Variants in CLVS2 observed in about 807,000 individuals in gnomAD.
CLVS2 encodes the protein clavesin 2, also known as clavesin-2.
In CLVS2, 19 loss-of-function variants were observed where a neutral mutation model predicts 29.0. The observed-to-expected ratio is 0.66, with a 90% CI of 0.46 to 0.96. The LOEUF (loss-of-function observed/expected upper bound fraction) is 0.96. CLVS2 is among the 40% of genes least tolerant of loss of function. The pLI is 0.00. For synonymous variants in CLVS2, 161 were observed against 151.3 expected (o/e 1.06, Z -0.47); for missense variants, 294 against 404.1 (o/e 0.73, Z 2.34).
intron 5 of CLVS2, among the ~76,000 whole-genome samples, chr6:123,059,679 G>T (rs1399036682): frequency 1.3e-5 from 2 of 152,158 alleles, no homozygotes; most frequent in African/African-American, 4.8e-5. Flanking sequence ...TGACTGGTAT[G>T]GGGGTTCCTA....
chr6:123,002,700 C>CA (rs1479799418), intron 2 of CLVS2, among the ~76,000 whole-genome samples: 1 of 151,810 alleles, frequency 6.6e-6, no homozygotes, highest in South Asian at 2.1e-4. Flanking sequence ...ACAAAAAAAG[C>CA]AAAAAAATAA....
chr6:123,039,828 G>A (rs1238963523), intron 3 of CLVS2, among the ~76,000 whole-genome samples: 2 of 152,158 alleles, frequency 1.3e-5, no homozygotes, highest in Non-Finnish European at 2.9e-5. Context: ...GAAATAGGTA[G>A]CTAGGTAAAA....
chr6:123,004,640 C>T (rs543863396), intron 2 of CLVS2, among the ~76,000 whole-genome samples: 4 of 152,252 alleles, frequency 2.6e-5, no homozygotes, highest in East Asian at 1.9e-4. Context: ...AGGCCAGGCA[C>T]GGTGGCTCAC....
At position 123,048,615 on chromosome 6, in the gene CLVS2, A is replaced by G; in HGVS notation, c.565-7A>G. ...TTTTGATTGTTTTTTTCTCCATGTT[A>G]CTCTAGGATAGTTTCCCAGCGCGAT... On this transcript the variant is annotated splice_region_variant and splice_polypyrimidine_tract_variant and intron_variant, in intron 3 of 5. Transcript: ENST00000275162. The G allele has an allele frequency of 1.9e-6, 3 of 1,589,894 alleles. No homozygotes were observed. Among genetic ancestry groups the G allele is most frequent in the Admixed American group, 1.7e-5 (1 of 59,804 alleles).
chr6:123,014,352 A>G (rs909519819), intron 3 of CLVS2, among the ~76,000 whole-genome samples: 2 of 151,956 alleles, frequency 1.3e-5, no homozygotes, highest in African/African-American at 4.8e-5. Context: ...TTTCTTAAGC[A>G]AGAGTATTTA....
At position 123,065,110 on chromosome 6, in the gene CLVS2, C is replaced by A. The variant is rs1437839766; in HGVS notation, c.*1349C>A. On this transcript the variant is annotated 3_prime_UTR_variant, in exon 6 of 6. Coordinates refer to ENST00000275162, the MANE Select transcript of CLVS2 (RefSeq NM_001010852.4). The stretch of plus-strand genomic sequence containing the variant: ...ATATAATGAAATTATTGGAAGGCAT[C>A]TATGACAACATGTAATCATTTATAC... The A allele has an allele frequency of 6.6e-6, 1 of 151,762 alleles. No individual in the cohort carries two copies. The highest frequency in any genetic ancestry group is 1.5e-5 in the Non-Finnish European group (1 of 67,810). The allele number at this position is 151,762 out of a possible 1,614,324, so 9.4% of individuals were successfully genotyped here.
intron 2 of CLVS2, among the ~76,000 whole-genome samples, chr6:123,002,043 G>C (rs2114296244): frequency 6.6e-6 from 1 of 152,234 alleles, no homozygotes; most frequent in Non-Finnish European, 1.5e-5. Flanking sequence ...CCATTTATCT[G>C]GAATATGGTT....
At chr6:123,001,420 C>T (rs1774588003) in intron 2 of CLVS2, among the ~76,000 whole-genome samples, 1 of 152,108 alleles carries the variant, frequency 6.6e-6, no homozygotes. Context: ...TGGAAATACT[C>T]AAATGTCAAA....
rs1319752538 is a variant in CLVS2 at position 123,070,705 on chromosome 6, A to C, written c.*6944A>C. The C allele has an allele frequency of 6.6e-6, 1 of 152,030 alleles. No individual in the cohort carries two copies. The highest frequency in any genetic ancestry group is 1.9e-4 in the East Asian group (1 of 5,182). The allele number at this position is 152,030 out of a possible 1,614,324, so 9.4% of individuals were successfully genotyped here. A position where few individuals can be genotyped will look rare whatever the true frequency, so the allele number is the denominator to read the frequency against. On this transcript the variant is annotated 3_prime_UTR_variant, in exon 6 of 6. Transcript: ENST00000275162. ...ATTTTTGCTGGTACTATGAAAAAAT[A>C]GTTGTTAAATACTTTAATTTCTTGC...
intron 5 of CLVS2, among the ~76,000 whole-genome samples, chr6:123,059,978 A>T (rs1772752034): frequency 6.6e-6 from 1 of 152,174 alleles, no homozygotes; most frequent in African/African-American, 2.4e-5. Flanking sequence ...AACATTTATG[A>T]TTCTATGGAA....
rs186645346 is a variant in CLVS2, at chr6:123,064,551, C to T, written c.*790C>T. Reference sequence around the variant, plus strand: ...CTCTAAGTACATTTCCCCTCCAAAACTCTTTGACTAAGAGAATGAGAACTC... The same window carrying T: ...CTCTAAGTACATTTCCCCTCCAAAATTCTTTGACTAAGAGAATGAGAACTC... On this transcript the variant is annotated 3_prime_UTR_variant, in exon 6 of 6. Coordinates refer to ENST00000275162, the MANE Select transcript of CLVS2 (RefSeq NM_001010852.4). 3.0e-4 allele frequency: 46 copies of T among 152,002 alleles called. 1 individual carries two copies. In the East Asian group the frequency reaches 7.5e-3, roughly 25 times the overall value. 9.4% of individuals were successfully genotyped at this position (152,002 alleles called of 1,614,324 possible).
intron 3 of CLVS2, among the ~76,000 whole-genome samples, chr6:123,022,467 T>C (rs1200641414): frequency 1.3e-5 from 2 of 151,982 alleles, no homozygotes; most frequent in South Asian, 2.1e-4. Context: ...TGAAGGTCAG[T>C]AGCCACCATT....
intron 3 of CLVS2, among the ~76,000 whole-genome samples, chr6:123,027,077 T>G (rs549624977): frequency 2.6e-5 from 4 of 152,018 alleles, no homozygotes; most frequent in African/African-American, 7.2e-5. Context: ...TCGTAATGAG[T>G]CTAGGCTGTC....
At chr6:123,003,380 A>G (rs1356242930) in intron 2 of CLVS2, among the ~76,000 whole-genome samples, 1 of 152,260 alleles carries the variant, frequency 6.6e-6, no homozygotes, top group Non-Finnish European at 1.5e-5. Flanking sequence ...AGTTATCCTT[A>G]GTAAATTAAT....
At chr6:123,037,661 G>A (rs1322159729) in intron 3 of CLVS2, among the ~76,000 whole-genome samples, 1 of 151,776 alleles carries the variant, frequency 6.6e-6, no homozygotes, top group Non-Finnish European at 1.5e-5. Flanking sequence ...AGATTTAGGT[G>A]GCCATGATGT....
chr6:123,051,103 C>T (rs1043529327), intron 4 of CLVS2, among the ~76,000 whole-genome samples: 1 of 151,962 alleles, frequency 6.6e-6, no homozygotes, highest in African/African-American at 2.4e-5. Context: ...ACTGATATTC[C>T]AAGTGAGTCA....
intron 3 of CLVS2, among the ~76,000 whole-genome samples, chr6:123,025,279 CA>C (rs763647594): frequency 2.0e-5 from 3 of 151,822 alleles, no homozygotes; most frequent in African/African-American, 7.3e-5. Context: ...TGAATAGGTG[CA>C]AAAAAATGAA....
chr6:123,026,826 A>G (rs534541273), intron 3 of CLVS2, among the ~76,000 whole-genome samples: 1 of 152,276 alleles, frequency 6.6e-6, no homozygotes, highest in South Asian at 2.1e-4. Flanking sequence ...CTAGAATAAG[A>G]TAGCCATGAA....
At chr6:123,047,674 T>G (rs1424443290) in intron 3 of CLVS2, among the ~76,000 whole-genome samples, 1 of 152,218 alleles carries the variant, frequency 6.6e-6, no homozygotes, top group Non-Finnish European at 1.5e-5. Flanking sequence ...TCTTCCTGCT[T>G]GTGCTCTAAA....
Sources: gnomAD v4.1 joint callset for allele counts (sites outside exome capture counted in the v4.1 genomes callset) on GRCh38, gnomAD v4.1.1 for gene constraint, MANE v1.5 for transcripts, NCBI Gene and HGNC (gene_info 2026-07-23, HGNC 2026-07-21) for gene names.